The following PIBF1 variants were observed in gnomAD, a reference collection of about 807,000 sequenced individuals.
PIBF1 encodes the protein progesterone-induced-blocking factor 1.
A neutral mutation model predicts 112.5 loss-of-function variants in PIBF1; 90 were observed. That is an observed-to-expected ratio of 0.80 (90% CI 0.67 to 0.95). The LOEUF (loss-of-function observed/expected upper bound fraction) is 0.95, where lower values mean the gene tolerates loss of function less well. Ranked by LOEUF, PIBF1 falls within the 40% of genes least tolerant of loss-of-function variation. The pLI, the probability that PIBF1 is intolerant of heterozygous loss-of-function variation, is 0.00. For missense variants in PIBF1, 915 were observed against 852.3 expected (o/e 1.07, Z -0.92); for synonymous variants, 301 against 288.6 (o/e 1.04, Z -0.44).
intron 16 of PIBF1, among the ~76,000 whole-genome samples, chr13:72,994,293 G>A (rs1414378067): frequency 6.6e-6 from 1 of 152,108 alleles, no homozygotes; most frequent in East Asian, 1.9e-4. Flanking sequence ...TAAGAAGCTA[G>A]ATAATATTAG....
chr13:72,821,037 A>G (rs1320955082), intron 5 of PIBF1, among the ~76,000 whole-genome samples: 1 of 152,180 alleles, frequency 6.6e-6, no homozygotes, highest in Non-Finnish European at 1.5e-5. Context: ...GATGGTAATG[A>G]TACAGTGAGA....
intron 11 of PIBF1, among the ~76,000 whole-genome samples, chr13:72,902,439 T>G (rs138057055): frequency 6.6e-6 from 1 of 151,666 alleles, no homozygotes; most frequent in East Asian, 1.9e-4. Context: ...AAGAATTGAT[T>G]GTTGGCATCT....
intron 17 of PIBF1, among the ~76,000 whole-genome samples, chr13:72,999,486 C>T (rs1195598742): frequency 6.6e-6 from 1 of 152,086 alleles, no homozygotes; most frequent in Non-Finnish European, 1.5e-5. Context: ...AATGGTTTCT[C>T]AATCATGCTT....
chr13:72,908,341 T>G (rs1663325617), intron 11 of PIBF1, among the ~76,000 whole-genome samples, 190 bp from the exon 12 acceptor site: 1 of 152,172 alleles, frequency 6.6e-6, no homozygotes, highest in South Asian at 2.1e-4. Context: ...TAATTTTCAG[T>G]TAAAAACAAC....
chr13:72,999,055 T>C (rs2043774611), intron 17 of PIBF1, 60 bp downstream of exon 17: 3 of 1,153,478 alleles, frequency 2.6e-6, no homozygotes, highest in South Asian at 3.1e-5. Flanking sequence ...AAATGTATTT[T>C]AGTTAATTTT....
At chr13:72,859,463 C>T (rs772712605) in intron 10 of PIBF1, among the ~76,000 whole-genome samples, 2 of 152,106 alleles carry the variant, frequency 1.3e-5, no homozygotes, top group Non-Finnish European at 2.9e-5. Context: ...ATATGGTACT[C>T]ATCTATAATA....
At chr13:72,933,131 T>C (rs981970018) in intron 14 of PIBF1, among the ~76,000 whole-genome samples, 3 of 152,228 alleles carry the variant, frequency 2.0e-5, no homozygotes, top group African/African-American at 7.2e-5. Context: ...GCTAATATAT[T>C]GTAGATCCCT....
intron 9 of PIBF1, among the ~76,000 whole-genome samples, chr13:72,849,090 A>G (rs557377637): frequency 4.6e-5 from 7 of 152,312 alleles, no homozygotes; most frequent in Admixed American, 6.5e-5. Context: ...ATTTTCTTCA[A>G]TCTTTCCTCT....
At chr13:72,949,839 T>A (rs1486617450) in intron 14 of PIBF1, among the ~76,000 whole-genome samples, 1 of 152,212 alleles carries the variant, frequency 6.6e-6, no homozygotes, top group Non-Finnish European at 1.5e-5. Context: ...AAACACTCAT[T>A]TGGATAAATG....
At chr13:72,894,029 C>G in intron 11 of PIBF1, 80 bp downstream of exon 11, 1 of 276,146 alleles carries the variant, frequency 3.6e-6, no homozygotes, top group South Asian at 4.6e-5. Context: ...AGCTTTATTT[C>G]TCCTATAGGA....
At chr13:72,917,034 A>G (rs1479814961) in intron 12 of PIBF1, 42 bp from the exon 13 acceptor site, 3 of 1,295,470 alleles carry the variant, frequency 2.3e-6, no homozygotes, top group Non-Finnish European at 2.1e-6. Flanking sequence ...TTTTAAAGGA[A>G]AAATAAAGTT....
At chr13:72,936,095 A>G (rs183322405) in intron 14 of PIBF1, among the ~76,000 whole-genome samples, 30 of 152,104 alleles carry the variant, frequency 2.0e-4, no homozygotes, top group Non-Finnish European at 3.4e-4. Context: ...TGGTGTAATC[A>G]TAGCTCATTG....
At chr13:72,837,826 T>C (rs1414112316) in intron 9 of PIBF1, among the ~76,000 whole-genome samples, 1 of 152,220 alleles carries the variant, frequency 6.6e-6, no homozygotes, top group African/African-American at 2.4e-5. Flanking sequence ...CCTTATGATT[T>C]TAAGATTCAT....
At chr13:72,973,461 T>A in intron 15 of PIBF1, 130 bp from the exon 16 acceptor site, 1 of 494,674 alleles carries the variant, frequency 2.0e-6, no homozygotes. Flanking sequence ...TGGTCTGGAA[T>A]ATTTATGGAC....
At chr13:72,783,328 T>C (rs2138287695) in intron 1 of PIBF1, 95 bp from the exon 2 acceptor site, 2 of 627,128 alleles carry the variant, frequency 3.2e-6, no homozygotes, top group East Asian at 2.8e-5. Context: ...TTGCCTAATA[T>C]TTATTTAAGG....
intron 13 of PIBF1, among the ~76,000 whole-genome samples, chr13:72,930,663 A>G (rs1424044498): frequency 2.0e-5 from 3 of 152,130 alleles, no homozygotes; most frequent in Non-Finnish European, 4.4e-5. Context: ...TAAGTTTTAT[A>G]TATCTTTTTC....
intron 9 of PIBF1, among the ~76,000 whole-genome samples, chr13:72,851,341 T>C (rs1354230588): frequency 6.6e-6 from 1 of 152,198 alleles, no homozygotes; most frequent in Non-Finnish European, 1.5e-5. Flanking sequence ...CTCTCCCTAC[T>C]CCCAGCACCC....
intron 14 of PIBF1, among the ~76,000 whole-genome samples, chr13:72,946,236 G>A (rs976424414): frequency 2.6e-5 from 4 of 152,110 alleles, no homozygotes; most frequent in Non-Finnish European, 4.4e-5. Context: ...AGCAAGAACT[G>A]CCAAGCAAAG....
At chr13:72,999,417 A>G (rs2043786466) in intron 17 of PIBF1, among the ~76,000 whole-genome samples, 1 of 152,168 alleles carries the variant, frequency 6.6e-6, no homozygotes, top group Non-Finnish European at 1.5e-5. Context: ...AAGAATCAAG[A>G]TTAAAAGGCA....
Sources: allele counts gnomAD v4.1 joint callset (sites outside exome capture counted in the v4.1 genomes callset), GRCh38; gene constraint gnomAD v4.1.1; transcripts MANE v1.5; gene names NCBI Gene and HGNC (gene_info 2026-07-23, HGNC 2026-07-21).